The following DLGAP2 variants were observed in gnomAD, a reference collection of about 807,000 sequenced individuals.
DLGAP2 encodes DLG associated protein 2, also known as disks large-associated protein 2.
In DLGAP2, 26 loss-of-function variants were observed where a neutral mutation model predicts 100.3. The observed-to-expected ratio is 0.26, with a 90% CI of 0.19 to 0.36. DLGAP2 has a LOEUF of 0.36. DLGAP2 is among the 10% of genes least tolerant of loss of function. The pLI is 1.00. For missense variants in DLGAP2, 1,858 were observed against 1,453.2 expected (o/e 1.28, Z -4.53); for synonymous variants, 886 against 630.1 (o/e 1.41, Z -6.08).
intron 2 of DLGAP2, among the ~76,000 whole-genome samples, chr8:1,167,323 C>G (rs531871390): frequency 6.6e-6 from 1 of 152,130 alleles, no homozygotes; most frequent in African/African-American, 2.4e-5. Context: ...TTGGCTTTCT[C>G]GAGTCCAGTA....
At chr8:1,186,816 T>C (rs1797515090) in intron 2 of DLGAP2, among the ~76,000 whole-genome samples, 1 of 152,198 alleles carries the variant, frequency 6.6e-6, no homozygotes, top group Non-Finnish European at 1.5e-5. Context: ...AGTGCCTGGC[T>C]TGGCTTTGCC....
At chr8:1,363,232 G>C (rs1164652735) in intron 3 of DLGAP2, among the ~76,000 whole-genome samples, 1 of 152,228 alleles carries the variant, frequency 6.6e-6, no homozygotes, top group African/African-American at 2.4e-5. Context: ...CGAAGGTACG[G>C]GCAGCACAGG....
chr8:1,656,192 G>A (rs560668478), intron 8 of DLGAP2, among the ~76,000 whole-genome samples: 46 of 152,170 alleles, frequency 3.0e-4, no homozygotes, highest in African/African-American at 4.1e-4. Context: ...GCGTGGTACC[G>A]CGTGCTACTT....
chr8:752,320 G>A (rs1045619560), intron 1 of DLGAP2, among the ~76,000 whole-genome samples: 3 of 152,210 alleles, frequency 2.0e-5, no homozygotes, highest in Admixed American at 6.5e-5. Context: ...CAAGGTGCAC[G>A]TTGCTCAATG....
chr8:1,282,350 TCTGGACGTGGTGTGACCTGAAC>T (rs1799835177), intron 3 of DLGAP2, among the ~76,000 whole-genome samples: 1 of 128,020 alleles, frequency 7.8e-6, no homozygotes, highest in African/African-American at 3.0e-5. Context: ...CCCTGAACCA[TCTGGACGTGGTGTGACCTGAAC>T]CCAGCACCTG....
chr8:1,101,144 A>C (rs1160605300), intron 2 of DLGAP2, among the ~76,000 whole-genome samples: 1 of 152,246 alleles, frequency 6.6e-6, no homozygotes, highest in African/African-American at 2.4e-5. Context: ...ACTGATGGGC[A>C]TGGCAGACGC....
chr8:1,008,303 T>A (rs555517766), intron 2 of DLGAP2, among the ~76,000 whole-genome samples: 1 of 152,236 alleles, frequency 6.6e-6, no homozygotes, highest in Non-Finnish European at 1.5e-5. Flanking sequence ...GTTAAAACAT[T>A]TCAGCTTTGT....
chr8:1,269,536 A>T (rs531754187), intron 3 of DLGAP2, among the ~76,000 whole-genome samples: 1 of 152,260 alleles, frequency 6.6e-6, no homozygotes, highest in African/African-American at 2.4e-5. Flanking sequence ...TCAACCCTGA[A>T]ACCCCGTATT....
chr8:1,408,800 C>T (rs1584868350), intron 3 of DLGAP2, among the ~76,000 whole-genome samples: 1 of 152,172 alleles, frequency 6.6e-6, no homozygotes, highest in South Asian at 2.1e-4. Flanking sequence ...CTTCGTCTGT[C>T]ACTTTCACTG....
At chr8:1,662,447 A>C (rs1798429687) in intron 8 of DLGAP2, among the ~76,000 whole-genome samples, 1 of 152,342 alleles carries the variant, frequency 6.6e-6, no homozygotes, top group East Asian at 1.9e-4. Context: ...GCAGTGGGCA[A>C]GGATTCTGAC....
intron 1 of DLGAP2, among the ~76,000 whole-genome samples, chr8:752,672 A>G (rs1820821747): frequency 6.6e-6 from 1 of 152,118 alleles, no homozygotes; most frequent in Admixed American, 6.5e-5. Flanking sequence ...AAATTTATAA[A>G]CGGGGAGATG....
chr8:1,597,157 C>G (rs1423380443), intron 6 of DLGAP2, among the ~76,000 whole-genome samples: 4 of 152,130 alleles, frequency 2.6e-5, no homozygotes, highest in African/African-American at 9.7e-5. Flanking sequence ...TCAGGTTTGT[C>G]AAAGATCAGA....
At chr8:1,080,134 G>A (rs1803754721) in intron 2 of DLGAP2, among the ~76,000 whole-genome samples, 1 of 152,238 alleles carries the variant, frequency 6.6e-6, no homozygotes, top group African/African-American at 2.4e-5. Flanking sequence ...GGTTCGCTGG[G>A]GGGTTGCAGT....
chr8:849,611 C>G (rs527430385), intron 1 of DLGAP2, among the ~76,000 whole-genome samples: 3 of 152,284 alleles, frequency 2.0e-5, no homozygotes, highest in East Asian at 3.9e-4. Flanking sequence ...TTCCAGGACC[C>G]CTGTAGCCTG....
chr8:1,076,196 C>T (rs541553739), intron 2 of DLGAP2, among the ~76,000 whole-genome samples: 2 of 152,186 alleles, frequency 1.3e-5, no homozygotes, highest in East Asian at 1.9e-4. Flanking sequence ...TGACGTTCTC[C>T]GCCTCTCCCC....
intron 3 of DLGAP2, among the ~76,000 whole-genome samples, chr8:1,357,343 A>C (rs1585295262): frequency 1.3e-5 from 2 of 149,050 alleles, no homozygotes; most frequent in Non-Finnish European, 1.5e-5. Flanking sequence ...TCACACTGAC[A>C]CCCCTGTTCA....
chr8:1,512,821 G>A (rs1348808799), intron 4 of DLGAP2, among the ~76,000 whole-genome samples: 2 of 152,170 alleles, frequency 1.3e-5, no homozygotes, highest in Admixed American at 1.3e-4. Context: ...CTAAAGACAG[G>A]TCACACTCTA....
chr8:1,423,325 C>A (rs1354167503), intron 3 of DLGAP2, among the ~76,000 whole-genome samples: 1 of 152,060 alleles, frequency 6.6e-6, no homozygotes, highest in Non-Finnish European at 1.5e-5. Flanking sequence ...CCCCCAGGCA[C>A]CCGGGCAGCT....
chr8:1,564,047 G>C (rs963090040), intron 5 of DLGAP2, among the ~76,000 whole-genome samples: 2 of 152,182 alleles, frequency 1.3e-5, no homozygotes, highest in African/African-American at 4.8e-5. Context: ...AACATGCTAT[G>C]TTAGTTCCTT....
Sources: allele counts gnomAD v4.1 joint callset (sites outside exome capture counted in the v4.1 genomes callset), GRCh38; gene constraint gnomAD v4.1.1; transcripts MANE v1.5; gene names NCBI Gene and HGNC (gene_info 2026-07-23, HGNC 2026-07-21).